The following RARB variants were observed in gnomAD, a reference collection of about 807,000 sequenced individuals.
RARB encodes HBV-activated protein.
In RARB, 17 loss-of-function variants were observed where a neutral mutation model predicts 51.9. The observed-to-expected ratio is 0.33, with a 90% CI of 0.22 to 0.49. The LOEUF (loss-of-function observed/expected upper bound fraction) is 0.49. Among genes scored for constraint, RARB ranks in the 20% least tolerant of loss-of-function variants. The probability of loss-of-function intolerance (pLI) is 0.99; values close to 1 mark genes in which losing one functional copy is unlikely to be tolerated. For missense variants in RARB, 369 were observed against 550.8 expected (o/e 0.67, Z 3.30); for synonymous variants, 215 against 195.4 (o/e 1.10, Z -0.84).
intron 3 of RARB, among the ~76,000 whole-genome samples, chr3:25,554,158 G>A (rs1436632704): frequency 2.0e-5 from 3 of 150,864 alleles, no homozygotes; most frequent in African/African-American, 4.9e-5. Context: ...GTATCTGTGC[G>A]TGGAGGTGTA....
chr3:25,337,279 A>C (rs1455264128), intron 5 of RARB, among the ~76,000 whole-genome samples: 1 of 152,224 alleles, frequency 6.6e-6, no homozygotes, highest in Admixed American at 6.5e-5. Flanking sequence ...TCCATGGATC[A>C]ACAATAATTT....
chr3:25,491,872 C>T (rs912069485), intron 2 of RARB, among the ~76,000 whole-genome samples: 4 of 151,484 alleles, frequency 2.6e-5, no homozygotes, highest in Non-Finnish European at 4.4e-5. Context: ...ACCCAAGAAG[C>T]GGAGGTTGTA....
At chr3:24,926,893 C>T (rs1256696765) in intron 2 of RARB, among the ~76,000 whole-genome samples, 1 of 152,030 alleles carries the variant, frequency 6.6e-6, no homozygotes, top group Non-Finnish European at 1.5e-5. Flanking sequence ...ATGTGCTCAT[C>T]TTAAGAAATT....
intron 5 of RARB, among the ~76,000 whole-genome samples, chr3:25,357,957 G>A (rs1343786922): frequency 6.6e-6 from 1 of 152,092 alleles, no homozygotes; most frequent in Non-Finnish European, 1.5e-5. Flanking sequence ...ATCCAGCTTT[G>A]TTATTTTTGC....
chr3:24,938,299 G>A (rs544558233), intron 2 of RARB, among the ~76,000 whole-genome samples: 1 of 152,154 alleles, frequency 6.6e-6, no homozygotes, highest in Non-Finnish European at 1.5e-5. Context: ...TCTCCATGAC[G>A]GCCCTAGAGT....
At chr3:24,904,882 A>C (rs1022827283) in intron 2 of RARB, among the ~76,000 whole-genome samples, 2 of 152,206 alleles carry the variant, frequency 1.3e-5, no homozygotes, top group Non-Finnish European at 2.9e-5. Context: ...TGAAGCTGGA[A>C]ACCATCATTC....
Position 25,428,564 on chromosome 3 carries a change from T to C in RARB, c.-168T>C. 3 of 1,323,596 alleles carry C rather than the reference T, an allele frequency of 2.3e-6. No homozygotes were observed. In the South Asian group the frequency reaches 7.2e-5, roughly 32 times the overall value. The allele number at this position is 1,323,596 out of a possible 1,614,324, so 82.0% of individuals were successfully genotyped here. On this transcript the variant is annotated 5_prime_UTR_variant, in exon 1 of 8. Coordinates refer to ENST00000330688, the MANE Select transcript of RARB (RefSeq NM_000965.5). ...ATCATTTGGATCAATTACAGGCTTT[T>C]AGCTGGCTTGTCTGTCATAATTCAT...
At chr3:24,905,044 G>A (rs1311003357) in intron 2 of RARB, among the ~76,000 whole-genome samples, 1 of 152,188 alleles carries the variant, frequency 6.6e-6, no homozygotes, top group Admixed American at 6.5e-5. Context: ...TAGATGACGG[G>A]TTGATGGGTG....
chr3:25,412,173 C>T (rs1707580158), intron 5 of RARB, among the ~76,000 whole-genome samples: 1 of 152,176 alleles, frequency 6.6e-6, no homozygotes, highest in African/African-American at 2.4e-5. Context: ...GGACAGCAGA[C>T]AATGAACTAG....
chr3:24,970,258 C>T lies in RARB; in HGVS notation c.-379-89867C>T, dbSNP rs559726785. 1.6e-4 allele frequency among the ~76,000 whole-genome samples: 25 copies of T among 152,140 alleles called. 1 individual carries two copies. In the South Asian group the frequency reaches 5.0e-3, roughly 30 times the overall value. ...TACATCTTTTAAGCAATCAGCAAAG[C>T]AAAGAACGTGTATTTTCTAAGAAAG... On this transcript the variant is annotated intron_variant, in intron 2 of 11. Transcript: ENST00000383772.
chr3:25,128,061 A>T (rs1479468772), intron 3 of RARB, among the ~76,000 whole-genome samples: 13 of 152,000 alleles, frequency 8.6e-5, no homozygotes, highest in Non-Finnish European at 1.5e-5. Context: ...CTAAGGCTGG[A>T]GTGGTTTGTT....
intron 2 of RARB, among the ~76,000 whole-genome samples, chr3:25,059,204 G>A (rs1698500028): frequency 6.6e-6 from 1 of 151,652 alleles, no homozygotes; most frequent in African/African-American, 2.4e-5. Flanking sequence ...TTGCATCTCA[G>A]TTGAGTTAAC....
intron 4 of RARB, among the ~76,000 whole-genome samples, chr3:25,133,821 G>T (rs998343868): frequency 9.0e-6 from 1 of 110,710 alleles, no homozygotes; most frequent in Admixed American, 1.1e-4. Context: ...GTATGTGTGT[G>T]ACACAAGGAG....
intron 5 of RARB, among the ~76,000 whole-genome samples, chr3:25,279,074 T>C (rs1286482568): frequency 6.6e-6 from 1 of 152,248 alleles, no homozygotes; most frequent in East Asian, 1.9e-4. Context: ...CAGGGCTTTA[T>C]GATTTTTATA....
At chr3:25,099,295 AGAGGAGACACAGACTTATT>A (rs554339453) in intron 3 of RARB, among the ~76,000 whole-genome samples, 48 of 152,240 alleles carry the variant, frequency 3.2e-4, no homozygotes, top group Non-Finnish European at 6.2e-4. Flanking sequence ...TCCTTGTTTC[AGAGGAGACACAGACTTATT>A]GAGGACATTT....
intron 5 of RARB, among the ~76,000 whole-genome samples, chr3:25,287,709 T>C (rs775586088): frequency 3.9e-5 from 6 of 152,206 alleles, no homozygotes; most frequent in Non-Finnish European, 8.8e-5. Context: ...AATGGGAAAG[T>C]GGCCTAATCA....
At chr3:25,149,226 T>C (rs989385533) in intron 4 of RARB, among the ~76,000 whole-genome samples, 1 of 152,206 alleles carries the variant, frequency 6.6e-6, no homozygotes, top group African/African-American at 2.4e-5. Context: ...ACAATTAATC[T>C]TCCATAGGAA....
At chr3:25,030,594 T>G (rs1697850486) in intron 2 of RARB, among the ~76,000 whole-genome samples, 1 of 152,220 alleles carries the variant, frequency 6.6e-6, no homozygotes, top group Non-Finnish European at 1.5e-5. Flanking sequence ...TTCTTTAAAT[T>G]AATAAGTTGG....
intron 5 of RARB, among the ~76,000 whole-genome samples, chr3:25,244,821 A>G (rs778491105): frequency 3.3e-5 from 5 of 152,164 alleles, no homozygotes; most frequent in Admixed American, 6.5e-5. Flanking sequence ...GTTGATGTCT[A>G]TTAGGTCTTC....
Sources: allele counts gnomAD v4.1 joint callset (sites outside exome capture counted in the v4.1 genomes callset), GRCh38; gene constraint gnomAD v4.1.1; transcripts MANE v1.5; gene names NCBI Gene and HGNC (gene_info 2026-07-23, HGNC 2026-07-21).